AGL: variants seen among roughly 807,000 people sequenced by gnomAD.
AGL encodes the protein amylo-alpha-1,6-glucosidase and 4-alpha-glucanotransferase, also known as glycogen debranching enzyme.
A neutral mutation model predicts 199.3 loss-of-function variants in AGL; 128 were observed. The ratio of observed to expected loss-of-function variants is 0.64; its 90% CI spans 0.56 to 0.74. The LOEUF (loss-of-function observed/expected upper bound fraction) is 0.74. AGL is among the 30% of genes least tolerant of loss of function. The pLI, the probability that AGL is intolerant of heterozygous loss-of-function variation, is 0.00. For synonymous variants in AGL, 584 were observed against 594.7 expected, an observed-to-expected ratio of 0.98 and a Z score of 0.26; for missense variants, 1,809 against 1,820.8, an observed-to-expected ratio of 0.99 and a Z score of 0.12.
At chr1:99,865,655 A>C (rs1650444600) in intron 5 of AGL, among the ~76,000 whole-genome samples, 1 of 152,200 alleles carries the variant, frequency 6.6e-6, no homozygotes, top group Non-Finnish European at 1.5e-5. Flanking sequence ...TGTATGCTAC[A>C]ATGTAGAAAA....
In AGL at chr1:99,881,087, G is replaced by A. The variant is rs778511499; in HGVS notation, c.1911G>A (p.Ala637=). 21 of 1,613,460 alleles carry A rather than the reference G, an allele frequency of 1.3e-5. No homozygotes were observed. The highest frequency in any genetic ancestry group is 4.0e-5 in the African/African-American group (3 of 74,882). The change falls in exon 15 of 34, where the codon GCG becomes GCA. Residue 637 remains alanine (A), a synonymous_variant. Transcript: ENST00000361915. ...TTGTTGTCTTCTAGCATAGATCAGC[G>A]TATGATGCTCTTCCAAGTACTACAA... ...DNECPIVHRS[A]YDALPSTTIV... is the part of the protein sequence containing the mutation.
chr1:99,867,836 T>C (rs923647520), intron 5 of AGL, among the ~76,000 whole-genome samples: 1 of 152,056 alleles, frequency 6.6e-6, no homozygotes, highest in African/African-American at 2.4e-5. Flanking sequence ...GTTGCAGAAG[T>C]TCTATTCCAA....
intron 2 of AGL, among the ~76,000 whole-genome samples, chr1:99,860,141 G>A (rs182060884): frequency 3.6e-4 from 54 of 152,100 alleles, no homozygotes; most frequent in African/African-American, 1.2e-3. Context: ...GAAATTCTTA[G>A]TTTCACTATA....
At chr1:99,887,950 A>ATGGTTATCT in intron 20 of AGL, 28 bp from the exon 21 acceptor site, 1 of 1,611,672 alleles carries the variant, frequency 6.2e-7, no homozygotes, top group Non-Finnish European at 8.5e-7. Flanking sequence ...ACTTCAATAT[A>ATGGTTATCT]TGGTTATCTT....
chr1:99,909,980 A>G (rs1293796868), intron 27 of AGL, among the ~76,000 whole-genome samples: 2 of 152,226 alleles, frequency 1.3e-5, no homozygotes, highest in African/African-American at 4.8e-5. Context: ...GAGATTATAC[A>G]CAGATATTAG....
chr1:99,880,088 T>A (rs1651888952), intron 13 of AGL, 42 bp downstream of exon 13: 2 of 1,611,882 alleles, frequency 1.2e-6, no homozygotes, highest in Non-Finnish European at 1.7e-6. Context: ...ACTTTAGCTT[T>A]TGTTTAAGTA....
At chr1:99,885,484 C>T (rs1269933507) in intron 20 of AGL, among the ~76,000 whole-genome samples, 1 of 152,174 alleles carries the variant, frequency 6.6e-6, no homozygotes, top group East Asian at 1.9e-4. Context: ...GGGCCACAGA[C>T]TGGTACTGGT....
chr1:99,856,305 TTCCTCCCTCCCTCCCTTCCTTCCTCCC>T (rs1275180524), intron 2 of AGL, among the ~76,000 whole-genome samples: 3 of 43,338 alleles, frequency 6.9e-5, no homozygotes, highest in South Asian at 9.1e-4. Context: ...CCTTCCTTCC[TTCCTCCCTCCCTCCCTTCCTTCCTCCC>T]TCCCTCCCTC....
intron 25 of AGL, among the ~76,000 whole-genome samples, chr1:99,898,077 T>C (rs1324431578): frequency 2.0e-5 from 3 of 151,406 alleles, no homozygotes; most frequent in African/African-American, 7.3e-5. Flanking sequence ...GACGGAGTCT[T>C]GCTCTGTCAC....
chr1:99,877,842 A>G lies in AGL; in HGVS notation c.1611+14A>G, dbSNP rs762183754. 3.1e-6 allele frequency: 5 copies of G among 1,611,890 alleles called. No individual in the cohort carries two copies. The highest frequency in any genetic ancestry group is 3.3e-5 in the Admixed American group (2 of 60,004). ...CACGTAGCTGAGGTACAGAAAAACA[A>G]TTTATCTACATTAAGAAAAGAAATT... On this transcript the variant is annotated intron_variant, in intron 12 of 33. Transcript: ENST00000361915.
chr1:99,901,402 A>AG (rs1436013129), intron 26 of AGL, among the ~76,000 whole-genome samples: 1 of 151,442 alleles, frequency 6.6e-6, no homozygotes, highest in Non-Finnish European at 1.5e-5. Context: ...AAAAAAAAAA[A>AG]AAAGAGGAAA....
In AGL at chr1:99,874,798, T is replaced by G; in HGVS notation, c.1070T>G (p.Phe357Cys). Residue 357 changes from phenylalanine to cysteine, a missense_variant, in exon 8 of 34, where the codon TTC (phenylalanine) becomes TGC (cysteine). Phe to Cys is a radical substitution (Grantham distance 205). Coordinates refer to ENST00000361915, the MANE Select transcript of AGL (RefSeq NM_000642.3). The part of the protein sequence containing the change: ...TVDMNIALTT[F>C]IPHDKGPAAI... ...GATATGAACATTGCACTAACGACTT[T>G]CATACCACATGAGTATGTAATGTGT... is the stretch of plus-strand genomic sequence containing the variant. 6.2e-7 allele frequency: 1 copy of G among 1,613,406 alleles called. No individual in the cohort carries two copies. Among genetic ancestry groups the G allele is most frequent in the South Asian group, 1.1e-5 (1 of 91,070 alleles).
chr1:99,881,415 C>T lies in AGL; in HGVS notation c.2125C>T (p.His709Tyr), dbSNP rs1249716180. The T allele has an allele frequency of 3.1e-6, 5 of 1,613,982 alleles. No homozygotes were observed. In the African/African-American group the frequency reaches 6.7e-5, roughly 22 times the overall value. ...IAARCAISKLHQELGAKGFIQ... is the reference protein window; with the variant it reads ...IAARCAISKLYQELGAKGFIQ... ...AGCCAGGTGTGCTATCAGTAAACTT[C>T]ATCAGGAGCTTGGAGCCAAGGGTTT... The change falls in exon 16 of 34, where the codon CAT (histidine) becomes TAT (tyrosine). Residue 709 changes from histidine to tyrosine, a missense_variant. Coordinates refer to ENST00000361915, the MANE Select transcript of AGL (RefSeq NM_000642.3).
intron 2 of AGL, among the ~76,000 whole-genome samples, chr1:99,854,495 G>A (rs1037777050): frequency 6.6e-6 from 1 of 152,314 alleles, no homozygotes; most frequent in African/African-American, 2.4e-5. Flanking sequence ...GGGTGCGGTG[G>A]CTCACGCCTG....
chr1:99,909,669 A>C (rs1229204188), intron 27 of AGL, among the ~76,000 whole-genome samples: 1 of 152,010 alleles, frequency 6.6e-6, no homozygotes, highest in Non-Finnish European at 1.5e-5. Flanking sequence ...AAGAAAAAAA[A>C]AACCAGGGAA....
chr1:99,876,487 A>T lies in AGL; in HGVS notation c.1313A>T (p.Asp438Val). 1.2e-6 allele frequency: 2 copies of T among 1,608,664 alleles called. No individual in the cohort carries two copies. Among genetic ancestry groups the T allele is most frequent in the Non-Finnish European group, 1.7e-6 (2 of 1,175,122 alleles). Residue 438 changes from aspartate to valine, a missense_variant, in exon 11 of 34, where the codon GAC (aspartate) becomes GTC (valine). By Grantham distance (152) the Asp-to-Val change is radical. Transcript: ENST00000361915. ...RYFTFPFEEI[D>V]FSMEESMIHL... Reference sequence around the variant, plus strand: ...TTTACTTTCCCATTTGAAGAGATAGACTTCTCCATGGAAGAATCTATGATT... The same window carrying T: ...TTTACTTTCCCATTTGAAGAGATAGTCTTCTCCATGGAAGAATCTATGATT...
At chr1:99,849,321 C>T (rs771286003), upstream of AGL, among the ~76,000 whole-genome samples, 2 of 152,096 alleles carry the variant, frequency 1.3e-5, no homozygotes, top group African/African-American at 2.4e-5. Flanking sequence ...AGAATCTTCT[C>T]CACACGCCAC....
intron 4 of AGL, among the ~76,000 whole-genome samples, chr1:99,863,863 A>C (rs1650281257): frequency 6.7e-6 from 1 of 149,646 alleles, no homozygotes; most frequent in East Asian, 2.0e-4. Flanking sequence ...GCTGGTCTTG[A>C]ACTCCTGGGC....
chr1:99,922,834 A>C lies in AGL; in HGVS notation c.*1183A>C, dbSNP rs528627569. 1.3e-5 allele frequency: 2 copies of C among 152,150 alleles called. No individual in the cohort carries two copies. Among genetic ancestry groups the C allele is most frequent in the South Asian group, 4.1e-4 (2 of 4,820 alleles). 9.4% of individuals were successfully genotyped at this position (152,150 alleles called of 1,614,324 possible). Reference sequence around the variant, plus strand: ...ATTGCTATATAATATTCAGTGGCTCATTTATACCTAATAAAATAATGGTAT... The same window carrying C: ...ATTGCTATATAATATTCAGTGGCTCCTTTATACCTAATAAAATAATGGTAT... On this transcript the variant is annotated 3_prime_UTR_variant, in exon 34 of 34. Transcript: ENST00000361915.
Sources: allele counts gnomAD v4.1 joint callset (sites outside exome capture counted in the v4.1 genomes callset), GRCh38; gene constraint gnomAD v4.1.1; transcripts MANE v1.5; gene names NCBI Gene and HGNC (gene_info 2026-07-23, HGNC 2026-07-21).